Variants in ARHGAP28 observed in about 807,000 individuals in gnomAD.
The protein encoded by ARHGAP28 is rho GTPase-activating protein 28.
ARHGAP28 carries 56 observed loss-of-function variants against 90.7 expected under a neutral mutation model. That is an observed-to-expected ratio of 0.62 (90% CI 0.50 to 0.77). The LOEUF is 0.77. Among genes scored for constraint, ARHGAP28 ranks in the 30% least tolerant of loss-of-function variants. The pLI, the probability that ARHGAP28 is intolerant of heterozygous loss-of-function variation, is 0.00. For missense variants in ARHGAP28, 869 were observed against 900.9 expected (o/e 0.96, Z 0.45); for synonymous variants, 308 against 323.3 (o/e 0.95, Z 0.51).
intron 1 of ARHGAP28, among the ~76,000 whole-genome samples, chr18:6,821,192 T>C (rs2056624548): frequency 6.6e-6 from 1 of 152,068 alleles, no homozygotes; most frequent in African/African-American, 2.4e-5. Context: ...GTAATAAAGA[T>C]CTCTGGTATC....
At chr18:6,823,280 C>A (rs541084057) in intron 1 of ARHGAP28, among the ~76,000 whole-genome samples, 4 of 152,194 alleles carry the variant, frequency 2.6e-5, no homozygotes, top group African/African-American at 9.6e-5. Flanking sequence ...TTTGACTACT[C>A]AGCACCACAA....
In ARHGAP28 at chr18:6,859,793, T is replaced by G; in HGVS notation, c.637-15T>G. The stretch of plus-strand genomic sequence containing the variant: ...TTTGCCTGAATAAGAATGGTACTTT[T>G]ATTTCTCCATTTAGCCAGATGATGC... On this transcript the variant is annotated splice_polypyrimidine_tract_variant and intron_variant, in intron 4 of 17. Transcript: ENST00000383472. 1 of 1,611,562 alleles carries G rather than the reference T, an allele frequency of 6.2e-7. No individual in the cohort carries two copies. The highest frequency in any genetic ancestry group is 2.2e-5 in the East Asian group (1 of 44,852).
chr18:6,870,725 T>A lies in ARHGAP28; in HGVS notation c.947T>A (p.Val316Asp), dbSNP rs2057077249. ...TCAGAGATTAAGAAAGAAGACTATG[T>A]TTTAACTGTAAGCAAAACCTTTCAT... ...KKSEIKKEDY[V>D]LTKFNVQKTR... Residue 316 changes from valine to aspartate, a missense_variant, in exon 7 of 18, where the codon GTT (valine) becomes GAT (aspartate). Physicochemically the swap from Val to Asp is radical, Grantham distance 152. Coordinates refer to ENST00000383472, the MANE Select transcript of ARHGAP28 (RefSeq NM_001366230.1). 6.2e-7 allele frequency: 1 copy of A among 1,602,432 alleles called. No homozygotes were observed. The highest frequency in any genetic ancestry group is 8.5e-7 in the Non-Finnish European group (1 of 1,177,064).
In ARHGAP28 at chr18:6,870,858, T is replaced by G. The variant is rs140495091; in HGVS notation, c.954+126T>G. The G allele has an allele frequency of 5.4e-5, 54 of 1,004,344 alleles. No homozygotes were observed. In the East Asian group the frequency reaches 6.4e-4, roughly 12 times the overall value. 62.2% of individuals were successfully genotyped at this position (1,004,344 alleles called of 1,614,324 possible). On this transcript the variant is annotated intron_variant, in intron 7 of 17. Transcript: ENST00000383472. The stretch of plus-strand genomic sequence containing the variant: ...TCTATTGCCCCAGGCTGGAGTGCAG[T>G]GGCGCGATCTCGGCTCACTGCAAGC...
At chr18:6,845,342 A>G (rs11081277) in intron 3 of ARHGAP28, among the ~76,000 whole-genome samples, 32,199 of 152,180 alleles carry the variant, frequency 0.21, 5,810 homozygotes, top group East Asian at 0.59. Context: ...GATTACAGAC[A>G]TGAGCCACCA....
intron 1 of ARHGAP28, chr18:6,789,836 T>TG (rs1384928234): frequency 2.2e-5 from 2 of 89,234 alleles, no homozygotes; most frequent in Non-Finnish European, 4.3e-5. Context: ...TGTTTTTTTG[T>TG]TTTTTTTTTG....
In ARHGAP28 at chr18:6,915,642, C is replaced by T. The variant is rs1344295334; in HGVS notation, c.*3488C>T. 6.6e-6 allele frequency: 1 copy of T among 152,092 alleles called. No individual in the cohort carries two copies. The highest frequency in any genetic ancestry group is 1.5e-5 in the Non-Finnish European group (1 of 68,038). 9.4% of individuals were successfully genotyped at this position (152,092 alleles called of 1,614,324 possible). ...AAAGCTAATATTGATTCTTCTGTTC[C>T]ATCAGCTTTCATTGTTAAGTAGAAT... On this transcript the variant is annotated 3_prime_UTR_variant, in exon 18 of 18. Transcript: ENST00000383472.
At chr18:6,771,772 G>T (rs1280292414) in intron 1 of ARHGAP28, among the ~76,000 whole-genome samples, 3 of 152,142 alleles carry the variant, frequency 2.0e-5, no homozygotes, top group Non-Finnish European at 4.4e-5. Context: ...AACATTAGTA[G>T]TTGGATCTTA....
At chr18:6,880,532 G>A (rs2057169380) in intron 10 of ARHGAP28, among the ~76,000 whole-genome samples, 3 of 152,202 alleles carry the variant, frequency 2.0e-5, no homozygotes, top group Admixed American at 2.0e-4. Flanking sequence ...GTTCCAGGCT[G>A]CCTCATTGCC....
chr18:6,888,768 C>T (rs2057241697), intron 12 of ARHGAP28, among the ~76,000 whole-genome samples: 2 of 152,188 alleles, frequency 1.3e-5, no homozygotes, highest in African/African-American at 4.8e-5. Context: ...CCCAGAACAT[C>T]ACGGGACTGG....
At chr18:6,855,651 T>C (rs564564891) in intron 4 of ARHGAP28, among the ~76,000 whole-genome samples, 8 of 152,316 alleles carry the variant, frequency 5.3e-5, no homozygotes, top group African/African-American at 1.9e-4. Flanking sequence ...ACTTGCCACA[T>C]TGTGGGCAAC....
chr18:6,887,672 C>T (rs907151905), intron 12 of ARHGAP28, among the ~76,000 whole-genome samples: 7 of 152,128 alleles, frequency 4.6e-5, no homozygotes, highest in Non-Finnish European at 8.8e-5. Context: ...ATCCTCCTGC[C>T]GCAGCCTCCC....
chr18:6,824,274 C>T (rs1341306091), intron 1 of ARHGAP28, among the ~76,000 whole-genome samples: 1 of 152,124 alleles, frequency 6.6e-6, no homozygotes, highest in African/African-American at 2.4e-5. Context: ...TGTGGTGGCT[C>T]ACACCTGTAA....
At chr18:6,743,779 G>T (rs998560289) in intron 1 of ARHGAP28, among the ~76,000 whole-genome samples, 1 of 152,174 alleles carries the variant, frequency 6.6e-6, no homozygotes, top group Non-Finnish European at 1.5e-5. Flanking sequence ...TTTAAGCTCT[G>T]ACTCTTGAAA....
At chr18:6,836,780 G>C (rs2056756731) in intron 2 of ARHGAP28, among the ~76,000 whole-genome samples, 1 of 152,142 alleles carries the variant, frequency 6.6e-6, no homozygotes, top group Non-Finnish European at 1.5e-5. Flanking sequence ...TTAAGACTTA[G>C]GAATCAGGCA....
At chr18:6,884,676 A>G (rs1186755109) in intron 11 of ARHGAP28, among the ~76,000 whole-genome samples, 6 of 152,154 alleles carry the variant, frequency 3.9e-5, no homozygotes, top group Non-Finnish European at 8.8e-5. Context: ...CAGTTGTTCA[A>G]TCCTTCGCCG....
intron 5 of ARHGAP28, among the ~76,000 whole-genome samples, chr18:6,862,871 G>T (rs192149945): frequency 6.6e-6 from 1 of 152,020 alleles, no homozygotes; most frequent in African/African-American, 2.4e-5. Flanking sequence ...AGTCTTACAC[G>T]CATTTTCACA....
chr18:6,831,473 T>TTTTTTTTTTTTTTC (rs2056715113), intron 2 of ARHGAP28, among the ~76,000 whole-genome samples: 3 of 9,906 alleles, frequency 3.0e-4, no homozygotes, highest in Admixed American at 1.1e-3. Flanking sequence ...ATCTTGATGT[T>TTTTTTTTTTTTTTC]TTTTTTTTTT....
chr18:6,791,864 G>C (rs1228566248), intron 1 of ARHGAP28, among the ~76,000 whole-genome samples: 2 of 146,786 alleles, frequency 1.4e-5, no homozygotes, highest in African/African-American at 2.5e-5. Context: ...TTGTTTGTTT[G>C]TTTTTTGAGA....
Sources: allele counts gnomAD v4.1 joint callset (sites outside exome capture counted in the v4.1 genomes callset), GRCh38; gene constraint gnomAD v4.1.1; transcripts MANE v1.5; gene names NCBI Gene and HGNC (gene_info 2026-07-23, HGNC 2026-07-21).